MCM9: variants seen among roughly 807,000 people sequenced by gnomAD.
MCM9 encodes DNA helicase MCM9.
In MCM9, 55 loss-of-function variants were observed where a neutral mutation model predicts 72.8. The ratio of observed to expected loss-of-function variants is 0.76; its 90% CI spans 0.61 to 0.95. MCM9 has a LOEUF of 0.95. MCM9 is among the 40% of genes least tolerant of loss of function. MCM9 has a pLI of 0.00. For missense variants in MCM9, 1,279 were observed against 1,377.0 expected (o/e 0.93, Z 1.13); for synonymous variants, 480 against 503.4 (o/e 0.95, Z 0.62).
chr6:118,902,960 C>A (rs572070654), intron 8 of MCM9, among the ~76,000 whole-genome samples: 1 of 152,148 alleles, frequency 6.6e-6, no homozygotes, highest in Non-Finnish European at 1.5e-5. Flanking sequence ...CCTAGTATTG[C>A]CAGCTAGAGT....
intron 9 of MCM9, among the ~76,000 whole-genome samples, chr6:118,832,775 T>C (rs1230067065): frequency 6.6e-6 from 1 of 152,222 alleles, no homozygotes; most frequent in Non-Finnish European, 1.5e-5. Flanking sequence ...GGTCTCCCAT[T>C]ACTCCCTTTA....
Position 118,815,030 on chromosome 6 carries a change from G to A in MCM9, c.3226C>T (p.Pro1076Ser). ...PSESKSKSPPPERKNRGERGP... is the reference protein window; with the variant it reads ...PSESKSKSPPSERKNRGERGP... ...CTCTCACCTCGGTTCTTCCTTTCAG[G>A]AGGAGGGGATTTTGATTTGGATTCC... Residue 1076 changes from proline to serine, a missense_variant, in exon 14 of 14, where the codon CCT becomes TCT. Pro to Ser is a moderately conservative substitution (Grantham distance 74). Coordinates refer to ENST00000619706, the MANE Select transcript of MCM9 (RefSeq NM_017696.3). 2 of 1,550,330 alleles carry A rather than the reference G, an allele frequency of 1.3e-6. No homozygotes were observed. The highest frequency in any genetic ancestry group is 2.7e-5 in the African/African-American group (2 of 73,078).
intron 8 of MCM9, among the ~76,000 whole-genome samples, chr6:118,899,115 C>T (rs1192890809): frequency 6.6e-6 from 1 of 152,202 alleles, no homozygotes; most frequent in East Asian, 1.9e-4. Context: ...CATGGCCACA[C>T]GAGGTCCATG....
chr6:118,822,837 T>C (rs1773905509), intron 13 of MCM9, among the ~76,000 whole-genome samples: 1 of 152,150 alleles, frequency 6.6e-6, no homozygotes, highest in Admixed American at 6.5e-5. Flanking sequence ...CTAGAGAAGG[T>C]ATCTGGCCAC....
chr6:118,903,737 G>A (rs1194063624), intron 8 of MCM9, among the ~76,000 whole-genome samples: 1 of 152,142 alleles, frequency 6.6e-6, no homozygotes, highest in Non-Finnish European at 1.5e-5. Context: ...AAGCACAGGG[G>A]GTGAAGTATT....
At chr6:118,920,179 T>C (rs909607340) in intron 5 of MCM9, 11 of 152,230 alleles carry the variant, frequency 7.2e-5, no homozygotes, top group African/African-American at 2.7e-4. Flanking sequence ...GAGACAGATA[T>C]TACAGATTTA....
chr6:118,901,848 C>T (rs1779815684), intron 8 of MCM9, among the ~76,000 whole-genome samples: 1 of 152,180 alleles, frequency 6.6e-6, no homozygotes, highest in Admixed American at 6.5e-5. Context: ...TATGCCTGAC[C>T]TCTGTTTTCT....
At chr6:118,845,440 C>A (rs546266297) in intron 9 of MCM9, among the ~76,000 whole-genome samples, 2 of 152,042 alleles carry the variant, frequency 1.3e-5, no homozygotes, top group Non-Finnish European at 2.9e-5. Context: ...GCTCTGGACT[C>A]TCTGCCCTCA....
At chr6:118,850,485 C>T (rs1039024110) in intron 9 of MCM9, among the ~76,000 whole-genome samples, 3 of 151,756 alleles carry the variant, frequency 2.0e-5, no homozygotes, top group Non-Finnish European at 4.4e-5. Context: ...GTATCAGAGA[C>T]GACAGTTATC....
chr6:118,816,105 T>G lies in MCM9; in HGVS notation c.2151A>C (p.Pro717=). Residue 717 remains proline (P), a synonymous_variant, in exon 14 of 14, where the codon CCA becomes CCC. Transcript: ENST00000619706. Reference sequence around the variant, plus strand: ...TTGATCTATTAGGCTCCAGATGCGGTGGGGGATCTAGAACTGGGCTTCCCT... The same window carrying G: ...TTGATCTATTAGGCTCCAGATGCGGGGGGGGATCTAGAACTGGGCTTCCCT... ...SPEGSPVLDP[P]PHLEPNRSTS... is the part of the protein sequence containing the mutation. 3 of 1,550,290 alleles carry G rather than the reference T, an allele frequency of 1.9e-6. No homozygotes were observed. The highest frequency in any genetic ancestry group is 2.6e-6 in the Non-Finnish European group (3 of 1,146,802).
At chr6:118,872,211 C>A (rs560308956) in intron 8 of MCM9, among the ~76,000 whole-genome samples, 3 of 151,756 alleles carry the variant, frequency 2.0e-5, no homozygotes, top group Non-Finnish European at 2.9e-5. Context: ...CCCATTTACT[C>A]AGGAGGCTGA....
intron 13 of MCM9, among the ~76,000 whole-genome samples, chr6:118,817,679 G>A (rs536435089): frequency 2.6e-5 from 4 of 152,248 alleles, no homozygotes; most frequent in South Asian, 2.1e-4. Flanking sequence ...GGTTCAAATG[G>A]TATTTCTGGT....
intron 8 of MCM9, among the ~76,000 whole-genome samples, chr6:118,861,168 C>T (rs983699653): frequency 6.6e-6 from 1 of 152,194 alleles, no homozygotes; most frequent in African/African-American, 2.4e-5. Flanking sequence ...TGTGAGGCTG[C>T]AGCTGGACCA....
intron 8 of MCM9, among the ~76,000 whole-genome samples, chr6:118,866,141 C>G (rs1777203127): frequency 6.6e-6 from 1 of 152,200 alleles, no homozygotes; most frequent in Non-Finnish European, 1.5e-5. Flanking sequence ...CACAGTGCAA[C>G]CCTAAACAGA....
intron 8 of MCM9, among the ~76,000 whole-genome samples, chr6:118,865,714 C>T (rs183890597): frequency 2.7e-4 from 41 of 152,266 alleles, no homozygotes; most frequent in African/African-American, 9.9e-4. Flanking sequence ...TAGGCCTCCC[C>T]CATTCTACGT....
In MCM9 at chr6:118,856,538, C is replaced by T. The variant is rs1470211323; in HGVS notation, c.1158G>A (p.Thr386=). The change falls in exon 9 of 14, where the codon ACG becomes ACA. Residue 386 remains threonine, a synonymous_variant. Transcript: ENST00000619706. ...CTCCTGAGTCTTTTACAGCAGTTACCGTCAGACCTGAGGAAACAAGCAAGC... is the reference window on the plus strand; with the variant it reads ...CTCCTGAGTCTTTTACAGCAGTTACTGTCAGACCTGAGGAAACAAGCAAGC... ...TGIGSTSAGL[T]VTAVKDSGEW... 9 of 1,535,298 alleles carry T rather than the reference C, an allele frequency of 5.9e-6. No homozygotes were observed. The highest frequency in any genetic ancestry group is 3.9e-5 in the Admixed American group (2 of 50,926).
In MCM9 at chr6:118,868,574, GA is replaced by G. The variant is rs975335341; in HGVS notation, c.1151-12030del. On this transcript the variant is annotated intron_variant, in intron 8 of 13. Transcript: ENST00000619706. The stretch of plus-strand genomic sequence containing the variant: ...ACAAAGAACTCAAACAAATTTAAAA[GA>G]AAAAAAAACCCCATCAAAAAGCGGG... Among the ~76,000 whole-genome samples the G allele has an allele frequency of 8.0e-5, 12 of 149,606 alleles. No homozygotes were observed. The East Asian group carries it at 1.9e-3, about 24-fold the overall frequency.
Position 118,923,882 on chromosome 6 carries a change from T to A in MCM9, c.550A>T (p.Thr184Ser). 6.2e-7 allele frequency: 1 copy of A among 1,614,156 alleles called. No individual in the cohort carries two copies. Among genetic ancestry groups the A allele is most frequent in the Non-Finnish European group, 8.5e-7 (1 of 1,180,018 alleles). Residue 184 changes from threonine to serine, a missense_variant, in exon 4 of 14, where the codon ACT becomes TCT. Physicochemically the swap from Thr to Ser is moderately conservative, Grantham distance 58 (BLOSUM62 1). Transcript: ENST00000619706. Reference sequence around the variant, plus strand: ...GACGAAGACAAGCCTGAGAGGCAAGTGAATTTAGAGGAATCACAGCTCTCC... The same window carrying A: ...GACGAAGACAAGCCTGAGAGGCAAGAGAATTTAGAGGAATCACAGCTCTCC... ...SLESCDSSKF[T>S]CLSGLSSSPT...
At chr6:118,834,435 C>A (rs1774809849) in intron 9 of MCM9, among the ~76,000 whole-genome samples, 1 of 152,186 alleles carries the variant, frequency 6.6e-6, no homozygotes, top group African/African-American at 2.4e-5. Flanking sequence ...GAAATCGCCA[C>A]ACTGTCTTCC....
Sources: allele counts gnomAD v4.1 joint callset (sites outside exome capture counted in the v4.1 genomes callset), GRCh38; gene constraint gnomAD v4.1.1; transcripts MANE v1.5; gene names NCBI Gene and HGNC (gene_info 2026-07-23, HGNC 2026-07-21).